The following NPAS3 variants were observed in gnomAD, a reference collection of about 807,000 sequenced individuals.
The protein encoded by NPAS3 is neuronal PAS domain protein 3, also known as neuronal PAS domain-containing protein 3.
NPAS3 carries 14 observed loss-of-function variants against 73.1 expected under a neutral mutation model. That is an observed-to-expected ratio of 0.19 (90% CI 0.13 to 0.30). The LOEUF (loss-of-function observed/expected upper bound fraction) is 0.30, where lower values mean the gene tolerates loss of function less well. NPAS3 is among the 10% of genes least tolerant of loss of function. The pLI is 1.00. For missense variants in NPAS3, 1,096 were observed against 1,250.0 expected, an observed-to-expected ratio of 0.88 and a Z score of 1.86; for synonymous variants, 620 against 541.5, an observed-to-expected ratio of 1.14 and a Z score of -2.01.
At chr14:33,629,067 TA>T (rs879440952) in intron 5 of NPAS3, among the ~76,000 whole-genome samples, 1 of 151,244 alleles carries the variant, frequency 6.6e-6, no homozygotes, top group African/African-American at 2.4e-5. Context: ...CCGTCTCTAC[TA>T]AAAAAAATAC....
At chr14:33,377,564 G>T (rs929225023) in intron 4 of NPAS3, among the ~76,000 whole-genome samples, 1 of 152,224 alleles carries the variant, frequency 6.6e-6, no homozygotes, top group Non-Finnish European at 1.5e-5. Context: ...CTTCTCAGAA[G>T]GATGTTCATA....
chr14:32,970,502 A>C (rs1042020248), intron 1 of NPAS3, among the ~76,000 whole-genome samples: 1 of 152,244 alleles, frequency 6.6e-6, no homozygotes, highest in Non-Finnish European at 1.5e-5. Context: ...GTTTAAAAGT[A>C]ATTATTAAAA....
At chr14:32,961,713 A>G (rs1207667399) in intron 1 of NPAS3, among the ~76,000 whole-genome samples, 1 of 152,062 alleles carries the variant, frequency 6.6e-6, no homozygotes, top group Non-Finnish European at 1.5e-5. Context: ...CTTTACATAC[A>G]TTATCTCATT....
At chr14:33,210,932 T>C (rs886559234) in intron 2 of NPAS3, among the ~76,000 whole-genome samples, 1 of 152,212 alleles carries the variant, frequency 6.6e-6, no homozygotes, top group Non-Finnish European at 1.5e-5. Flanking sequence ...AAATGTGTTA[T>C]GTCAGAACCA....
At chr14:33,003,552 C>G (rs17099828) in intron 1 of NPAS3, among the ~76,000 whole-genome samples, 7,153 of 152,176 alleles carry the variant, frequency 0.047, 447 homozygotes, top group African/African-American at 0.15. Flanking sequence ...GAAGGGATCT[C>G]TGGTAGGTGT....
intron 3 of NPAS3, among the ~76,000 whole-genome samples, chr14:33,265,403 A>G (rs1004972809): frequency 7.2e-5 from 11 of 152,178 alleles, no homozygotes; most frequent in African/African-American, 2.7e-4. Flanking sequence ...ATCTTTTACA[A>G]TATATTTTTT....
At chr14:33,775,897 C>A (rs553277788) in intron 8 of NPAS3, among the ~76,000 whole-genome samples, 178 of 152,304 alleles carry the variant, frequency 1.2e-3, no homozygotes, top group African/African-American at 4.1e-3. Context: ...AGCTCATCAC[C>A]TGCACAATTT....
intron 3 of NPAS3, among the ~76,000 whole-genome samples, chr14:33,310,747 G>A (rs1440201): frequency 3.3e-5 from 5 of 150,380 alleles, no homozygotes; most frequent in Non-Finnish European, 5.9e-5. Flanking sequence ...ATGGTGTTGT[G>A]TACCATGGAG....
chr14:33,112,929 T>C (rs1426713765), intron 2 of NPAS3, among the ~76,000 whole-genome samples: 1 of 152,226 alleles, frequency 6.6e-6, no homozygotes, highest in Non-Finnish European at 1.5e-5. Flanking sequence ...AGGGAATCCT[T>C]TCCCCAGTTT....
chr14:33,439,400 A>G (rs949172592), intron 4 of NPAS3, among the ~76,000 whole-genome samples: 1 of 152,214 alleles, frequency 6.6e-6, no homozygotes, highest in Non-Finnish European at 1.5e-5. Context: ...AACACACAAG[A>G]AAAAGGCCTG....
chr14:33,385,334 G>A (rs988052541), intron 4 of NPAS3, among the ~76,000 whole-genome samples: 5 of 152,212 alleles, frequency 3.3e-5, no homozygotes, highest in African/African-American at 4.8e-5. Flanking sequence ...TATCTGCCAC[G>A]ATGCATTTTC....
At chr14:33,711,589 G>T (rs1441142404) in intron 6 of NPAS3, among the ~76,000 whole-genome samples, 1 of 152,178 alleles carries the variant, frequency 6.6e-6, no homozygotes, top group Admixed American at 6.5e-5. Flanking sequence ...AGTGCTGCAG[G>T]ATACTTACAG....
chr14:33,629,746 A>ATT (rs57339240), intron 5 of NPAS3, among the ~76,000 whole-genome samples: 27 of 144,884 alleles, frequency 1.9e-4, no homozygotes, highest in African/African-American at 6.6e-4. Context: ...TTGTTTTTCT[A>ATT]TTTTTTTTTT....
intron 5 of NPAS3, among the ~76,000 whole-genome samples, chr14:33,577,970 C>T (rs553869460): frequency 2.6e-4 from 39 of 152,340 alleles, no homozygotes; most frequent in Middle Eastern, 3.4e-3. Flanking sequence ...CATCTTTGAT[C>T]TCTGATGCAG....
chr14:33,230,165 A>G (rs1340387031), intron 3 of NPAS3, among the ~76,000 whole-genome samples: 2 of 152,212 alleles, frequency 1.3e-5, no homozygotes, highest in Admixed American at 6.5e-5. Context: ...ATGAGCCTGC[A>G]TTCTTTTACA....
intron 3 of NPAS3, among the ~76,000 whole-genome samples, chr14:33,219,536 T>C (rs1171858043): frequency 6.6e-6 from 1 of 152,226 alleles, no homozygotes; most frequent in African/African-American, 2.4e-5. Context: ...TATCTGGTGA[T>C]TAAAATTGAC....
rs1189341002 is a variant in NPAS3, at chr14:33,800,625, C to T, written c.2318C>T (p.Ala773Val). 7.3e-6 allele frequency: 10 copies of T among 1,370,904 alleles called. No homozygotes were observed. Among genetic ancestry groups the T allele is most frequent in the South Asian group, 1.8e-5 (1 of 54,462 alleles). 84.9% of individuals were successfully genotyped at this position (1,370,904 alleles called of 1,614,324 possible). Residue 773 changes from alanine (A) to valine (V), a missense_variant, in exon 12 of 12, where the codon GCG becomes GTG. Transcript: ENST00000356141. This position sits in a 1 kb window ranked among gnomAD's most constrained non-coding sequence, Gnocchi z 6.5. ...GGGGGCGGGGGCGGGGGCGGCGGCG[C>T]GGGGGGCGGCGGCCCCAGCGCGTCC...
chr14:33,077,864 A>G (rs1202184893), intron 2 of NPAS3, among the ~76,000 whole-genome samples: 2 of 144,386 alleles, frequency 1.4e-5, no homozygotes, highest in Non-Finnish European at 3.0e-5. Context: ...AAATACATAT[A>G]TGACCGGGTG....
At chr14:33,591,725 T>TCAAATCTC in intron 5 of NPAS3, among the ~76,000 whole-genome samples, 1 of 152,154 alleles carries the variant, frequency 6.6e-6, no homozygotes, top group Non-Finnish European at 1.5e-5. Flanking sequence ...ATCACTGCAG[T>TCAAATCTC]TTACCTAAGC....
Sources: gnomAD v4.1 joint callset for allele counts (sites outside exome capture counted in the v4.1 genomes callset) on GRCh38, gnomAD v4.1.1 for gene constraint, Gnocchi (gnomAD v3.1) non-coding constraint, MANE v1.5 for transcripts, NCBI Gene and HGNC (gene_info 2026-07-23, HGNC 2026-07-21) for gene names.